The following SPTAN1 variants were observed in gnomAD, a reference collection of about 807,000 sequenced individuals.
SPTAN1 encodes the protein spectrin alpha chain, non-erythrocytic 1.
SPTAN1 carries 61 observed loss-of-function variants against 331.3 expected under a neutral mutation model. The ratio of observed to expected loss-of-function variants is 0.18; its 90% CI spans 0.15 to 0.23. The LOEUF (loss-of-function observed/expected upper bound fraction) is 0.23, where lower values mean the gene tolerates loss of function less well. SPTAN1 is among the 10% of genes least tolerant of loss of function. The pLI is 1.00. For synonymous variants in SPTAN1, 1,153 were observed against 1,173.9 expected (o/e 0.98, Z 0.36); for missense variants, 2,043 against 3,147.9 (o/e 0.65, Z 8.40).
At chr9:128,595,824 T>G (rs1043107014) in intron 24 of SPTAN1, 2 of 152,130 alleles carry the variant, frequency 1.3e-5, no homozygotes, top group African/African-American at 4.8e-5. Context: ...GTGACTGGCT[T>G]CTTTTGTTTA....
At chr9:128,557,799 CTTTTTTTTTTTT>C in intron 1 of SPTAN1, among the ~76,000 whole-genome samples, 1 of 84,994 alleles carries the variant, frequency 1.2e-5, no homozygotes, top group African/African-American at 4.5e-5. Flanking sequence ...TTAGAAATTT[CTTTTTTTTTTTT>C]TTTTTTTTTT....
chr9:128,563,052 C>G (rs1459858195), intron 1 of SPTAN1, among the ~76,000 whole-genome samples: 1 of 146,298 alleles, frequency 6.8e-6, no homozygotes, highest in Non-Finnish European at 1.5e-5. Flanking sequence ...ACAAAAACTG[C>G]TCTGAGCAGA....
At chr9:128,555,489 T>A in intron 1 of SPTAN1, 2 of 1,091,658 alleles carry the variant, frequency 1.8e-6, no homozygotes, top group Non-Finnish European at 2.4e-6. Context: ...GGTTGAATGA[T>A]CCAAAGAAAG....
intron 1 of SPTAN1, among the ~76,000 whole-genome samples, chr9:128,564,118 A>T (rs933873713): frequency 6.6e-6 from 1 of 152,120 alleles, no homozygotes; most frequent in African/African-American, 2.4e-5. Context: ...TACAAAAAAA[A>T]TTTAAAAATT....
At chr9:128,561,344 C>T (rs1849317158) in intron 1 of SPTAN1, among the ~76,000 whole-genome samples, 1 of 142,612 alleles carries the variant, frequency 7.0e-6, no homozygotes, top group South Asian at 2.2e-4. Flanking sequence ...TGCAATCCAG[C>T]CTGGCGACAG....
In SPTAN1 at chr9:128,567,123, C is replaced by T. The variant is rs57541486; in HGVS notation, c.237+146C>T. ...AAGGAAGGACAAACTCATTGTTTTC[C>T]TGTATTAGTGAGGGTGAATGTGGAA... On this transcript the variant is annotated intron_variant, in intron 2 of 56. Coordinates refer to ENST00000372739, the MANE Select transcript of SPTAN1 (RefSeq NM_001130438.3). 1.8e-4 allele frequency: 212 copies of T among 1,202,114 alleles called. 1 individual carries two copies. In the African/African-American group the frequency reaches 2.6e-3, roughly 15 times the overall value. 74.5% of individuals were successfully genotyped at this position (1,202,114 alleles called of 1,614,324 possible).
chr9:128,554,484 C>T (rs1848439003), intron 1 of SPTAN1, among the ~76,000 whole-genome samples: 2 of 152,178 alleles, frequency 1.3e-5, no homozygotes, highest in Non-Finnish European at 2.9e-5. Flanking sequence ...CTTTTTCTTA[C>T]CTGCCTTCAT....
At chr9:128,613,003 G>T (rs146678096) in intron 39 of SPTAN1, among the ~76,000 whole-genome samples, 1 of 151,852 alleles carries the variant, frequency 6.6e-6, no homozygotes, top group Non-Finnish European at 1.5e-5. Flanking sequence ...TTCCCATATT[G>T]TTGGACATTG....
rs1003931135 is a variant in SPTAN1 at position 128,584,262 on chromosome 9, C to T, written c.2194-20C>T. 1.2e-6 allele frequency: 2 copies of T among 1,614,026 alleles called. No homozygotes were observed. Among genetic ancestry groups the T allele is most frequent in the Admixed American group, 1.7e-5 (1 of 60,010 alleles). On this transcript the variant is annotated intron_variant, in intron 16 of 56. Transcript: ENST00000372739. ...AACCACACCCAAAGTAAAGTCTGCT[C>T]TGTCCTTTTGCATTCCCAGGACCGA...
At chr9:128,594,996 G>A (rs967500003) in intron 24 of SPTAN1, among the ~76,000 whole-genome samples, 1 of 151,066 alleles carries the variant, frequency 6.6e-6, no homozygotes, top group Non-Finnish European at 1.5e-5. Flanking sequence ...TTTTAGTAGA[G>A]ATGAGGTTTC....
intron 49 of SPTAN1, 86 bp downstream of exon 49, chr9:128,626,773 C>G: frequency 8.2e-7 from 1 of 1,222,256 alleles, no homozygotes; most frequent in Non-Finnish European, 1.1e-6. Flanking sequence ...AACTGAGTCA[C>G]GACAAGACGA....
In SPTAN1 at chr9:128,607,646, C is replaced by T; in HGVS notation, c.4089C>T (p.Ser1363=). 1 of 1,614,022 alleles carries T rather than the reference C, an allele frequency of 6.2e-7. No homozygotes were observed. The highest frequency in any genetic ancestry group is 8.5e-7 in the Non-Finnish European group (1 of 1,180,014). ...SWINGIRGLV[S]SDELAKDVTG... is the part of the protein sequence containing the mutation. The stretch of plus-strand genomic sequence containing the variant: ...TCAATGGAATACGGGGGTTGGTGTC[C>T]TCAGATGAGCTAGCCAAGGATGTCA... Residue 1363 remains serine (S), a synonymous_variant, in exon 32 of 57, where the codon TCC becomes TCT. Coordinates refer to ENST00000372739, the MANE Select transcript of SPTAN1 (RefSeq NM_001130438.3).
intron 1 of SPTAN1, among the ~76,000 whole-genome samples, chr9:128,562,188 C>T (rs1298840384): frequency 6.6e-6 from 1 of 152,070 alleles, no homozygotes. Context: ...TCACAACCTC[C>T]GCCTCTCAGG....
At chr9:128,576,226 G>T (rs73669954) in intron 5 of SPTAN1, among the ~76,000 whole-genome samples, 150 of 152,230 alleles carry the variant, frequency 9.9e-4, no homozygotes, top group African/African-American at 3.5e-3. Context: ...AATGTGGTTG[G>T]TAGGGAAGGA....
At chr9:128,631,985 A>G (rs959039922) in intron 52 of SPTAN1, 142 bp from the exon 53 acceptor site, 2 of 810,670 alleles carry the variant, frequency 2.5e-6, no homozygotes, top group Non-Finnish European at 4.0e-6. Flanking sequence ...ACCCCATCCC[A>G]CTATTCCTAT....
Position 128,633,606 on chromosome 9 carries a change from A to ACCCTC in SPTAN1, c.*276_*280dup. 8.7e-7 allele frequency: 1 copy of ACCCTC among 1,144,770 alleles called. No homozygotes were observed. Among genetic ancestry groups the ACCCTC allele is most frequent in the Non-Finnish European group, 1.2e-6 (1 of 801,476 alleles). The allele number at this position is 1,144,770 out of a possible 1,614,324, so 70.9% of individuals were successfully genotyped here. A position where few individuals can be genotyped will look rare whatever the true frequency, so the allele number is the denominator to read the frequency against. On this transcript the variant is annotated 3_prime_UTR_variant, in exon 57 of 57. Coordinates refer to ENST00000372739, the MANE Select transcript of SPTAN1 (RefSeq NM_001130438.3). ...GGCTCCTCCCCTTGTTCTCTCTCCC[A>ACCCTC]CCCTCCCCCAAATCTGTTTTCATGT...
chr9:128,608,900 C>T lies in SPTAN1; in HGVS notation c.4518C>T (p.Ala1506=), dbSNP rs777801455. Residue 1506 remains alanine (A), a synonymous_variant, in exon 35 of 57, where the codon GCC becomes GCT. Coordinates refer to ENST00000372739, the MANE Select transcript of SPTAN1 (RefSeq NM_001130438.3). The stretch of plus-strand genomic sequence containing the variant: ...AAGAGAAGATTGCTGCTCTGCAGGC[C>T]TTTGCCGACCAGCTCATCGCTGCCG... ...VQEEKIAALQ[A]FADQLIAAGH... 4 of 1,614,196 alleles carry T rather than the reference C, an allele frequency of 2.5e-6. No individual in the cohort carries two copies. The highest frequency in any genetic ancestry group is 3.4e-6 in the Non-Finnish European group (4 of 1,180,046).
chr9:128,572,553 T>G (rs1463935575), intron 3 of SPTAN1, among the ~76,000 whole-genome samples: 2 of 152,266 alleles, frequency 1.3e-5, no homozygotes, highest in African/African-American at 4.8e-5. Context: ...TCTAGTCTTC[T>G]GTGGCCTCAT....
At chr9:128,592,885 C>A in intron 22 of SPTAN1, 98 bp from the exon 23 acceptor site, 1 of 1,110,768 alleles carries the variant, frequency 9.0e-7, no homozygotes, top group Non-Finnish European at 1.3e-6. Context: ...CAACATTAAG[C>A]ATCCACCATC....
Sources: gnomAD v4.1 joint callset for allele counts (sites outside exome capture counted in the v4.1 genomes callset) on GRCh38, gnomAD v4.1.1 for gene constraint, MANE v1.5 for transcripts, NCBI Gene and HGNC (gene_info 2026-07-23, HGNC 2026-07-21) for gene names.